Variants in ASTN2 observed in about 807,000 individuals in gnomAD.
ASTN2 encodes astrotactin 2.
A neutral mutation model predicts 139.8 loss-of-function variants in ASTN2; 54 were observed. The observed-to-expected ratio is 0.39, with a 90% CI of 0.31 to 0.48. The LOEUF (loss-of-function observed/expected upper bound fraction) is 0.48, where lower values mean the gene tolerates loss of function less well. Among genes scored for constraint, ASTN2 ranks in the 20% least tolerant of loss-of-function variants. The probability of loss-of-function intolerance (pLI) is 0.95; values close to 1 mark genes in which losing one functional copy is unlikely to be tolerated. For missense variants in ASTN2, 1,565 were observed against 1,725.1 expected, an observed-to-expected ratio of 0.91 and a Z score of 1.64; for synonymous variants, 756 against 719.5, an observed-to-expected ratio of 1.05 and a Z score of -0.81.
chr9:116,613,630 G>T (rs572088762), intron 19 of ASTN2: 1 of 152,456 alleles, frequency 6.6e-6, no homozygotes, highest in African/African-American at 2.4e-5. Flanking sequence ...AAAAACACAT[G>T]ATTATCTCAA....
At chr9:117,401,949 GGACA>G (rs1315152453) in intron 1 of ASTN2, among the ~76,000 whole-genome samples, 1 of 152,188 alleles carries the variant, frequency 6.6e-6, no homozygotes, top group Non-Finnish European at 1.5e-5. Flanking sequence ...CATAAAGAAA[GGACA>G]GAGAAGGGAG....
intron 1 of ASTN2, among the ~76,000 whole-genome samples, chr9:117,300,708 T>C (rs1321154330): frequency 6.6e-6 from 1 of 152,264 alleles, no homozygotes; most frequent in East Asian, 1.9e-4. Flanking sequence ...AATGGTATGC[T>C]AGGTTTGGGA....
In ASTN2 at chr9:116,948,789, T is replaced by TTTTTTTTTG. The variant is rs1564355584; in HGVS notation, c.1889+26418_1889+26419insCAAAAAAAA. Among the ~76,000 whole-genome samples the TTTTTTTTTG allele has an allele frequency of 2.1e-4, 22 of 104,800 alleles. 4 individuals are homozygous for TTTTTTTTTG. In the South Asian group the frequency reaches 3.4e-3, roughly 16 times the overall value. 68.8% of individuals were successfully genotyped at this position (104,800 alleles called of 152,430 possible). On this transcript the variant is annotated intron_variant, in intron 10 of 22. Transcript: ENST00000313400. Reference sequence around the variant, plus strand: ...AGAGGAGAGAAATAATTTGGTGTTTTTTTTTTTTTTTTTTTTTTTTTGAGA... The same window carrying TTTTTTTTTG: ...AGAGGAGAGAAATAATTTGGTGTTTTTTTTTTTTGTTTTTTTTTTTTTTTTTTTTTGAGA...
At chr9:116,548,165 CTG>C (rs1192048808) in intron 19 of ASTN2, among the ~76,000 whole-genome samples, 1 of 152,238 alleles carries the variant, frequency 6.6e-6, no homozygotes, top group African/African-American at 2.4e-5. Context: ...CTTAATGGGG[CTG>C]TGTCTGGGCC....
chr9:116,646,721 G>A (rs762456385), intron 17 of ASTN2, among the ~76,000 whole-genome samples: 1 of 152,144 alleles, frequency 6.6e-6, no homozygotes, highest in Non-Finnish European at 1.5e-5. Flanking sequence ...GGAGGAAGCC[G>A]CCTACAGTCT....
intron 19 of ASTN2, among the ~76,000 whole-genome samples, chr9:116,558,872 A>C (rs1852764616): frequency 1.3e-5 from 2 of 152,302 alleles, no homozygotes; most frequent in African/African-American, 4.8e-5. Context: ...AACGAAATAA[A>C]TTATCTAAAT....
At chr9:116,989,223 AGAGTGCACTTT>A (rs1314773272) in intron 7 of ASTN2, among the ~76,000 whole-genome samples, 10 of 152,210 alleles carry the variant, frequency 6.6e-5, no homozygotes, top group Non-Finnish European at 1.5e-4. Context: ...ATGATTTTCC[AGAGTGCACTTT>A]GAGTGCAATG....
chr9:117,302,489 C>T (rs533927489), intron 1 of ASTN2, among the ~76,000 whole-genome samples: 59 of 152,156 alleles, frequency 3.9e-4, no homozygotes, highest in African/African-American at 1.1e-3. Context: ...TAGCAGTATG[C>T]GGGACAAGGA....
intron 5 of ASTN2, among the ~76,000 whole-genome samples, chr9:117,056,098 C>T (rs1361467840): frequency 6.6e-6 from 1 of 152,176 alleles, no homozygotes; most frequent in Non-Finnish European, 1.5e-5. Context: ...CAGATCCCTC[C>T]CCAGTTGAAG....
intron 19 of ASTN2, among the ~76,000 whole-genome samples, chr9:116,617,535 C>A (rs1306301621): frequency 6.6e-6 from 1 of 152,182 alleles, no homozygotes; most frequent in East Asian, 1.9e-4. Context: ...GGCGATACCA[C>A]AAGCTGAATA....
At chr9:117,270,212 T>C (rs1834032046) in intron 2 of ASTN2, among the ~76,000 whole-genome samples, 1 of 152,210 alleles carries the variant, frequency 6.6e-6, no homozygotes, top group African/African-American at 2.4e-5. Flanking sequence ...TGAGATATAC[T>C]CTCTTTACAA....
At chr9:116,910,353 G>A (rs1381779327) in intron 10 of ASTN2, among the ~76,000 whole-genome samples, 1 of 152,104 alleles carries the variant, frequency 6.6e-6, no homozygotes, top group Non-Finnish European at 1.5e-5. Context: ...CTTTGTAGGG[G>A]ACTGTCCCAC....
intron 4 of ASTN2, among the ~76,000 whole-genome samples, chr9:117,105,119 C>A (rs543902665): frequency 6.6e-6 from 1 of 152,078 alleles, no homozygotes; most frequent in Non-Finnish European, 1.5e-5. Context: ...ATGAGACCTT[C>A]GCCACACCCC....
intron 16 of ASTN2, among the ~76,000 whole-genome samples, chr9:116,680,925 T>C (rs1293605047): frequency 5.3e-5 from 8 of 152,174 alleles, no homozygotes; most frequent in African/African-American, 1.4e-4. Flanking sequence ...TCATACTGAA[T>C]AGACAAAAAC....
chr9:117,144,991 T>TA (rs1564448252), intron 3 of ASTN2, among the ~76,000 whole-genome samples: 1 of 151,710 alleles, frequency 6.6e-6, no homozygotes, highest in African/African-American at 2.4e-5. Context: ...CTCTTTTTTT[T>TA]TAAAAACTTT....
chr9:117,411,100 C>A (rs973521130), intron 1 of ASTN2, among the ~76,000 whole-genome samples: 1 of 152,152 alleles, frequency 6.6e-6, no homozygotes, highest in African/African-American at 2.4e-5. Context: ...GCCATTGATT[C>A]CTGGCATGAC....
At position 116,709,502 on chromosome 9, in the gene ASTN2, G is replaced by A. The variant is rs141837513; in HGVS notation, c.2806+16269C>T. On this transcript the variant is annotated intron_variant, in intron 16 of 22. Transcript: ENST00000313400. ...GGCCAAACTTTATGCGGTCCTTTTAGCACTGAATACCCTGACCAACATCTG... is the reference window on the plus strand; with the variant it reads ...GGCCAAACTTTATGCGGTCCTTTTAACACTGAATACCCTGACCAACATCTG... 2.8e-4 allele frequency among the ~76,000 whole-genome samples: 42 copies of A among 152,316 alleles called. 1 individual carries two copies. The East Asian group carries it at 7.7e-3, about 28-fold the overall frequency.
chr9:116,523,312 G>A (rs1850957733), intron 19 of ASTN2, among the ~76,000 whole-genome samples: 1 of 151,966 alleles, frequency 6.6e-6, no homozygotes, highest in Non-Finnish European at 1.5e-5. Context: ...ACTTGCTCTG[G>A]AGATGATTTA....
chr9:117,047,869 TCACTAC>T (rs1430132418), intron 5 of ASTN2, among the ~76,000 whole-genome samples: 3 of 152,162 alleles, frequency 2.0e-5, no homozygotes, highest in South Asian at 2.1e-4. Flanking sequence ...ATCATCATCA[TCACTAC>T]CACTATCACT....
Sources: gnomAD v4.1 joint callset for allele counts (sites outside exome capture counted in the v4.1 genomes callset) on GRCh38, gnomAD v4.1.1 for gene constraint, MANE v1.5 for transcripts, NCBI Gene and HGNC (gene_info 2026-07-23, HGNC 2026-07-21) for gene names.